Variants in DPF3 observed in about 807,000 individuals in gnomAD.
DPF3 encodes double PHD fingers 3, also known as zinc finger protein DPF3.
DPF3 carries 18 observed loss-of-function variants against 56.8 expected under a neutral mutation model. The ratio of observed to expected loss-of-function variants is 0.32; its 90% CI spans 0.22 to 0.47. The LOEUF is 0.47. DPF3 is among the 20% of genes least tolerant of loss of function. The pLI is 1.00. For missense variants in DPF3, 403 were observed against 488.8 expected (o/e 0.82, Z 1.65); for synonymous variants, 188 against 180.2 (o/e 1.04, Z -0.35).
intron 1 of DPF3, among the ~76,000 whole-genome samples, chr14:72,834,494 C>CAAAAAAAAAAAA (rs375709642): frequency 1.1e-5 from 1 of 91,434 alleles, no homozygotes; most frequent in Non-Finnish European, 2.1e-5. Flanking sequence ...GAGACTGTCT[C>CAAAAAAAAAAAA]AAAAAAAAAA....
At chr14:72,844,053 C>T (rs2033126562) in intron 1 of DPF3, among the ~76,000 whole-genome samples, 2 of 152,156 alleles carry the variant, frequency 1.3e-5, no homozygotes, top group South Asian at 2.1e-4. Flanking sequence ...AACAATTATA[C>T]CATATTGTTT....
At chr14:72,677,212 C>T (rs963779015) in intron 7 of DPF3, among the ~76,000 whole-genome samples, 2 of 152,086 alleles carry the variant, frequency 1.3e-5, no homozygotes, top group Non-Finnish European at 2.9e-5. Flanking sequence ...GGCAATGGCC[C>T]AGTATAGAAA....
rs1886811402 is a variant in DPF3, at chr14:72,674,153, A to G, written c.871+87T>C. The G allele has an allele frequency of 6.8e-6, 10 of 1,471,686 alleles. No homozygotes were observed. In the East Asian group the frequency reaches 7.3e-5, roughly 11 times the overall value. The allele number at this position is 1,471,686 out of a possible 1,614,324, so 91.2% of individuals were successfully genotyped here. A position where few individuals can be genotyped will look rare whatever the true frequency, so the allele number is the denominator to read the frequency against. On this transcript the variant is annotated intron_variant, in intron 8 of 10. Transcript: ENST00000556509. ...CATTGCCACCATCGCTTCCCTCTCC[A>G]GTCTCCAGCACCACAAGATGGAAGA...
chr14:72,816,624 T>C (rs930473630), intron 1 of DPF3, among the ~76,000 whole-genome samples: 2 of 151,168 alleles, frequency 1.3e-5, no homozygotes, highest in African/African-American at 4.9e-5. Flanking sequence ...CCTATCCTGA[T>C]ACATCAGGCA....
chr14:72,892,017 C>A, intron 1 of DPF3: 21 of 548,502 alleles, frequency 3.8e-5, no homozygotes, highest in East Asian at 1.5e-4. Context: ...CCTCCCCAAA[C>A]ACGCACCCTA....
intron 1 of DPF3, among the ~76,000 whole-genome samples, chr14:72,859,680 C>T (rs1487853085): frequency 6.6e-6 from 1 of 152,110 alleles, no homozygotes; most frequent in Non-Finnish European, 1.5e-5. Context: ...GGGCGAGGGT[C>T]ACAGTTCACT....
chr14:72,708,362 C>T (rs73298195), intron 6 of DPF3, among the ~76,000 whole-genome samples: 5,009 of 152,204 alleles, frequency 0.033, 279 homozygotes, highest in African/African-American at 0.11. Context: ...GGGATCAATC[C>T]CATGCCACAA....
At chr14:72,666,171 C>A (rs758288069) in intron 8 of DPF3, among the ~76,000 whole-genome samples, 15 of 152,102 alleles carry the variant, frequency 9.9e-5, no homozygotes, top group Non-Finnish European at 2.1e-4. Flanking sequence ...GTGACCAGGG[C>A]CCAAAATGTT....
At chr14:72,693,288 A>G in intron 6 of DPF3, 75 bp from the exon 7 acceptor site, 1 of 1,511,224 alleles carries the variant, frequency 6.6e-7, no homozygotes, top group South Asian at 1.2e-5. Context: ...TCATTCTCCC[A>G]GACAGTGATC....
intron 1 of DPF3, among the ~76,000 whole-genome samples, chr14:72,782,452 G>A (rs898118953): frequency 7.2e-5 from 11 of 152,082 alleles, no homozygotes; most frequent in South Asian, 2.1e-4. Context: ...CTGGAACTCC[G>A]GGGCTCAAGC....
chr14:72,663,288 A>T (rs1886303246), intron 8 of DPF3, among the ~76,000 whole-genome samples: 1 of 152,154 alleles, frequency 6.6e-6, no homozygotes, highest in Admixed American at 6.5e-5. Context: ...CCAAGTAGAA[A>T]TGAGTAGTTC....
intron 5 of DPF3, among the ~76,000 whole-genome samples, chr14:72,722,995 C>T (rs912497437): frequency 3.3e-5 from 5 of 151,810 alleles, no homozygotes; most frequent in Non-Finnish European, 7.4e-5. Context: ...CCTGCTACCC[C>T]GGCAAACTTC....
At position 72,674,229 on chromosome 14, in the gene DPF3, G is replaced by C; in HGVS notation, c.871+11C>G. Reference sequence around the variant, plus strand: ...CTACGGGCACCCGGTGTGGGAAGGGGCCACACTCACCAGAGCGTCCACAGT... The same window carrying C: ...CTACGGGCACCCGGTGTGGGAAGGGCCCACACTCACCAGAGCGTCCACAGT... On this transcript the variant is annotated intron_variant, in intron 8 of 10. Coordinates refer to ENST00000556509, the MANE Select transcript of DPF3 (RefSeq NM_001280542.3). The C allele has an allele frequency of 1.2e-6, 2 of 1,610,876 alleles. No individual in the cohort carries two copies. The highest frequency in any genetic ancestry group is 1.7e-6 in the Non-Finnish European group (2 of 1,178,594).
chr14:72,851,997 CAAG>C (rs1223968361), intron 1 of DPF3, among the ~76,000 whole-genome samples: 5 of 152,354 alleles, frequency 3.3e-5, no homozygotes, highest in Non-Finnish European at 5.9e-5. Flanking sequence ...AAGACGCTTT[CAAG>C]AAGAACATTA....
intron 1 of DPF3, among the ~76,000 whole-genome samples, chr14:72,788,975 C>T (rs1440825730): frequency 6.6e-6 from 1 of 152,210 alleles, no homozygotes; most frequent in Non-Finnish European, 1.5e-5. Context: ...ATCTTCTAGT[C>T]TTCACATCCC....
chr14:72,878,355 C>G (rs1052894662), intron 1 of DPF3, among the ~76,000 whole-genome samples: 5 of 152,338 alleles, frequency 3.3e-5, no homozygotes, highest in Non-Finnish European at 7.3e-5. Context: ...ATGAAGTGAT[C>G]TGCTATACTT....
At chr14:72,669,599 G>A (rs947461972) in intron 8 of DPF3, among the ~76,000 whole-genome samples, 5 of 152,068 alleles carry the variant, frequency 3.3e-5, no homozygotes, top group African/African-American at 1.2e-4. Flanking sequence ...TCAGTTCCCT[G>A]GATTTCACTT....
chr14:72,834,869 AAAGG>A (rs547853323), intron 1 of DPF3, among the ~76,000 whole-genome samples: 43 of 152,334 alleles, frequency 2.8e-4, no homozygotes, highest in South Asian at 2.3e-3. Context: ...TCAGCCATAA[AAAGG>A]AAGGGAGTAC....
chr14:72,732,048 G>T, intron 3 of DPF3, 114 bp from the exon 4 acceptor site: 1 of 1,352,966 alleles, frequency 7.4e-7, no homozygotes, highest in Non-Finnish European at 9.9e-7. Context: ...CGGGGCCTGT[G>T]CTCTCTCCTC....
Sources: allele counts gnomAD v4.1 joint callset (sites outside exome capture counted in the v4.1 genomes callset), GRCh38; gene constraint gnomAD v4.1.1; transcripts MANE v1.5; gene names NCBI Gene and HGNC (gene_info 2026-07-23, HGNC 2026-07-21).